FAM234A: variants seen among roughly 807,000 people sequenced by gnomAD.
FAM234A encodes the protein protein FAM234A.
In FAM234A, 42 loss-of-function variants were observed where a neutral mutation model predicts 49.1. The ratio of observed to expected loss-of-function variants is 0.86; its 90% CI spans 0.67 to 1.11. The LOEUF is 1.11. Among genes scored for constraint, FAM234A ranks in the 50% least tolerant of loss-of-function variants. FAM234A has a pLI of 0.00. For missense variants in FAM234A, 815 were observed against 745.2 expected, an observed-to-expected ratio of 1.09 and a Z score of -1.09; for synonymous variants, 369 against 316.2, an observed-to-expected ratio of 1.17 and a Z score of -1.77.
In FAM234A at chr16:265,141, G is replaced by A. The variant is rs538377032; in HGVS notation, c.*119G>A. The A allele has an allele frequency of 1.4e-5, 20 of 1,450,136 alleles. No homozygotes were observed. Among genetic ancestry groups the A allele is most frequent in the African/African-American group, 8.5e-5 (6 of 70,442 alleles). The allele number at this position is 1,450,136 out of a possible 1,614,324, so 89.8% of individuals were successfully genotyped here. On this transcript the variant is annotated 3_prime_UTR_variant, in exon 13 of 13. Coordinates refer to ENST00000399932, the MANE Select transcript of FAM234A (RefSeq NM_032039.4). ...CCCACTCCTGACCCTGGTGATGGTCGCCACTGGGCAGCAGCAGCCTTACCA... is the reference window on the plus strand; with the variant it reads ...CCCACTCCTGACCCTGGTGATGGTCACCACTGGGCAGCAGCAGCCTTACCA...
chr16:254,101 C>A, intron 2 of FAM234A: 1 of 376,050 alleles, frequency 2.7e-6, no homozygotes, highest in East Asian at 6.2e-5. Flanking sequence ...TTCCTGGGTT[C>A]GGCAGGCAGG....
intron 3 of FAM234A, among the ~76,000 whole-genome samples, chr16:256,775 T>G (rs2051250635): frequency 6.9e-6 from 1 of 145,756 alleles, no homozygotes; most frequent in South Asian, 2.2e-4. Context: ...AGAGTTTCGC[T>G]CTTGTTTCCC....
chr16:244,393 G>A (rs957406501), intron 1 of FAM234A, among the ~76,000 whole-genome samples: 1 of 152,108 alleles, frequency 6.6e-6, no homozygotes, highest in Non-Finnish European at 1.5e-5. Flanking sequence ...CTCCACTATT[G>A]ATATTCTTCC....
At position 254,626 on chromosome 16, in the gene FAM234A, G is replaced by C. The variant is rs776410110; in HGVS notation, c.213G>C (p.Pro71=). 12 of 1,608,922 alleles carry C rather than the reference G, an allele frequency of 7.5e-6. No homozygotes were observed. The South Asian group carries it at 1.3e-4, about 18-fold the overall frequency. The change falls in exon 3 of 13, where the codon CCG becomes CCC. Residue 71 remains proline (P), a synonymous_variant. Transcript: ENST00000399932. ...FVVFVVSFVI[P]CPDRPASQRM... is the part of the protein sequence containing the mutation. Reference sequence around the variant, plus strand: ...TGTTCGTCGTCTCATTCGTCATCCCGTGTCCAGACCGGCCGGCGTCACAGC... The same window carrying C: ...TGTTCGTCGTCTCATTCGTCATCCCCTGTCCAGACCGGCCGGCGTCACAGC...
At chr16:268,773 C>T (rs1461029622), downstream of FAM234A, 3 of 1,549,716 alleles carry the variant, frequency 1.9e-6, no homozygotes, top group Non-Finnish European at 2.6e-6. Flanking sequence ...GGTCCTCTTC[C>T]AGGCTCACAC....
chr16:259,378 A>T, intron 3 of FAM234A, 105 bp from the exon 4 acceptor site: 1 of 691,160 alleles, frequency 1.4e-6, no homozygotes, highest in Admixed American at 2.3e-5. Flanking sequence ...GGGTGCCCTC[A>T]CAGTGGCAGG....
At chr16:269,659 C>G, downstream of FAM234A, 1 of 1,198,044 alleles carries the variant, frequency 8.3e-7, no homozygotes, top group Non-Finnish European at 1.2e-6. Flanking sequence ...GAAGGAGCAG[C>G]CAAACATTGC....
chr16:265,290 C>T lies in FAM234A; in HGVS notation c.*268C>T, dbSNP rs970925628. ...CTCTGCACCCCACCAGGGTCCCGCT[C>T]ACACCAGGCAGCCTTCATAGTGGTC... is the stretch of plus-strand genomic sequence containing the variant. On this transcript the variant is annotated 3_prime_UTR_variant, in exon 13 of 13. Coordinates refer to ENST00000399932, the MANE Select transcript of FAM234A (RefSeq NM_032039.4). 2 of 1,281,922 alleles carry T rather than the reference C, an allele frequency of 1.6e-6. No homozygotes were observed. Among genetic ancestry groups the T allele is most frequent in the Non-Finnish European group, 2.0e-6 (2 of 1,012,020 alleles). 79.4% of individuals were successfully genotyped at this position (1,281,922 alleles called of 1,614,324 possible).
At chr16:258,204 G>T (rs528508991) in intron 3 of FAM234A, among the ~76,000 whole-genome samples, 6 of 151,674 alleles carry the variant, frequency 4.0e-5, no homozygotes, top group Non-Finnish European at 8.8e-5. Flanking sequence ...TCTCGCAGAG[G>T]GGGATTTGGC....
chr16:254,545 C>T lies in FAM234A; in HGVS notation c.132C>T (p.Leu44=), dbSNP rs548032653. ...NVKSAPPQSR[L]SRCRAAAFFL... ...AAAGCGCGCCTCCACAGTCCCGGCT[C>T]TCCCGGTGCCGAGCGGCGGCGTTTT... The change falls in exon 3 of 13, where the codon CTC becomes CTT. Residue 44 remains leucine, a synonymous_variant. Transcript: ENST00000399932. 16 of 1,614,138 alleles carry T rather than the reference C, an allele frequency of 9.9e-6. No individual in the cohort carries two copies. The highest frequency in any genetic ancestry group is 6.6e-5 in the South Asian group (6 of 91,094).
intron 2 of FAM234A, among the ~76,000 whole-genome samples, chr16:250,478 T>C (rs2050962230): frequency 6.6e-6 from 1 of 152,128 alleles, no homozygotes; most frequent in African/African-American, 2.4e-5. Context: ...CGCGACTCAT[T>C]GTTTGATTTT....
downstream of FAM234A, chr16:269,615 CT>C: frequency 6.5e-7 from 1 of 1,535,136 alleles, no homozygotes; most frequent in South Asian, 1.1e-5. Flanking sequence ...GCCCCTGACC[CT>C]TCTGCCTCCT....
At chr16:261,140 A>G (rs936306760) in intron 5 of FAM234A, 17 of 442,946 alleles carry the variant, frequency 3.8e-5, no homozygotes, top group Middle Eastern at 6.2e-4. Flanking sequence ...AGCGTTTGGC[A>G]TATTGCCACC....
chr16:235,928 G>A (rs748611357), intron 1 of FAM234A, among the ~76,000 whole-genome samples: 70 of 151,858 alleles, frequency 4.6e-4, no homozygotes, highest in Non-Finnish European at 9.4e-4. Context: ...CGAGGCAGGC[G>A]GATCACCTGA....
rs2141284141 is a variant in FAM234A at position 254,652 on chromosome 16, G to A, written c.239G>A (p.Arg80Gln). The change falls in exon 3 of 13, where the codon CGA becomes CAA. Residue 80 changes from arginine to glutamine, a missense_variant. Coordinates refer to ENST00000399932, the MANE Select transcript of FAM234A (RefSeq NM_032039.4). ...IPCPDRPASQ[R>Q]MWRIDYSAAV... ...TGTCCAGACCGGCCGGCGTCACAGC[G>A]AATGTGGAGGATAGACTACAGTGCC... 1.2e-6 allele frequency: 2 copies of A among 1,613,946 alleles called. No individual in the cohort carries two copies. Among genetic ancestry groups the A allele is most frequent in the Non-Finnish European group, 1.7e-6 (2 of 1,180,004 alleles).
chr16:255,274 G>A lies in FAM234A; in HGVS notation c.268+593G>A, dbSNP rs568835977. Among the ~76,000 whole-genome samples the A allele has an allele frequency of 1.1e-4, 16 of 152,332 alleles. No homozygotes were observed. The South Asian group carries it at 2.3e-3, about 22-fold the overall frequency. ...CAACGTGCTGGGATTACAGGTGTAA[G>A]TCACCACACCTGGCCCAATTCAGTG... On this transcript the variant is annotated intron_variant, in intron 3 of 12. Transcript: ENST00000399932.
At chr16:237,077 T>TA (rs113236669) in intron 1 of FAM234A, among the ~76,000 whole-genome samples, 6 of 151,728 alleles carry the variant, frequency 4.0e-5, no homozygotes, top group African/African-American at 1.4e-4. Flanking sequence ...ATGTATTTTT[T>TA]TAAAAAAATA....
chr16:239,028 G>A (rs1371073504), intron 1 of FAM234A, among the ~76,000 whole-genome samples: 1 of 147,572 alleles, frequency 6.8e-6, no homozygotes, highest in African/African-American at 2.5e-5. Flanking sequence ...GTTGCGGTGA[G>A]CTGAGATCGC....
At chr16:258,106 G>A (rs957449641) in intron 3 of FAM234A, among the ~76,000 whole-genome samples, 8 of 151,220 alleles carry the variant, frequency 5.3e-5, no homozygotes, top group Non-Finnish European at 1.0e-4. Context: ...CACCCGCCTC[G>A]GCCTCCTAAA....
Sources: gnomAD v4.1 joint callset for allele counts (sites outside exome capture counted in the v4.1 genomes callset) on GRCh38, gnomAD v4.1.1 for gene constraint, MANE v1.5 for transcripts, NCBI Gene and HGNC (gene_info 2026-07-23, HGNC 2026-07-21) for gene names.